Variants in ZC4H2 observed in about 807,000 individuals in gnomAD.
ZC4H2 encodes the protein zinc finger C4H2-type containing.
For synonymous variants in ZC4H2, 84 were observed against 66.3 expected, an observed-to-expected ratio of 1.27 and a Z score of -1.30; for missense variants, 137 against 173.9, an observed-to-expected ratio of 0.79 and a Z score of 1.19.
intron 1 of ZC4H2, among the ~76,000 whole-genome samples, chrX:64,943,087 G>C (rs1225706651): frequency 2.7e-5 from 3 of 111,868 alleles, no homozygotes; most frequent in Non-Finnish European, 5.6e-5. Context: ...CAGTGATGAT[G>C]AGCTTTTTTT....
chrX:64,951,833 T>A (rs1930855465), intron 1 of ZC4H2, among the ~76,000 whole-genome samples: 1 of 111,690 alleles, frequency 9.0e-6, no homozygotes, highest in African/African-American at 3.3e-5. Context: ...TTTTGGCTTT[T>A]GTTGCCATTG....
At chrX:65,033,296 C>A (rs866003672) in intron 1 of ZC4H2, among the ~76,000 whole-genome samples, 1 of 112,288 alleles carries the variant, frequency 8.9e-6, no homozygotes, top group Non-Finnish European at 1.9e-5. Context: ...GAATATCACA[C>A]AAGTTTGTAC....
rs773485412 is a variant in ZC4H2 at position 64,924,381 on chromosome X, C to T, written c.54-2393G>A. ...TCAGTCAATAATTATTTATTGAATA[C>T]TTATCATGTGCCAGGCATTCATTGT... is the stretch of plus-strand genomic sequence containing the variant. On this transcript the variant is annotated intron_variant, in intron 1 of 4. Coordinates refer to ENST00000374839, the MANE Select transcript of ZC4H2 (RefSeq NM_018684.4). 1.4e-3 allele frequency among the ~76,000 whole-genome samples: 157 copies of T among 112,001 alleles called. 1 individual carries two copies. Among genetic ancestry groups the T allele is most frequent in the African/African-American group, 4.9e-3 (151 of 30,875 alleles).
chrX:64,953,531 C>G (rs1224467217), intron 1 of ZC4H2, among the ~76,000 whole-genome samples: 1 of 112,247 alleles, frequency 8.9e-6, no homozygotes, highest in East Asian at 2.8e-4. Flanking sequence ...AGACACTTCT[C>G]AAAAGAAGAC....
At chrX:64,975,369 T>G (rs776876859) in intron 1 of ZC4H2, among the ~76,000 whole-genome samples, 25 of 110,883 alleles carry the variant, frequency 2.3e-4, no homozygotes, top group Non-Finnish European at 3.2e-4. Flanking sequence ...TCCAGCACTC[T>G]AAGGGTTAAA....
intron 1 of ZC4H2, among the ~76,000 whole-genome samples, chrX:64,988,963 TATTAA>T (rs1283750013): frequency 9.8e-5 from 11 of 112,217 alleles, no homozygotes; most frequent in Non-Finnish European, 1.1e-4. Flanking sequence ...CAGCACCATT[TATTAA>T]ATAAGGAATC....
At chrX:64,927,935 A>C (rs1217950046) in intron 1 of ZC4H2, among the ~76,000 whole-genome samples, 1 of 112,435 alleles carries the variant, frequency 8.9e-6, no homozygotes, top group African/African-American at 3.2e-5. Context: ...TCTTTTGAGA[A>C]GTGTCTGTTC....
chrX:65,018,413 G>A (rs1054082447), intron 1 of ZC4H2, among the ~76,000 whole-genome samples: 2 of 112,118 alleles, frequency 1.8e-5, no homozygotes, highest in Non-Finnish European at 3.8e-5. Context: ...TGCCTCACCT[G>A]GGAAGCACAA....
intron 1 of ZC4H2, among the ~76,000 whole-genome samples, chrX:64,991,275 T>G (rs757145937): frequency 8.9e-6 from 1 of 112,194 alleles, no homozygotes; most frequent in African/African-American, 3.2e-5. Flanking sequence ...TATAAGAGTT[T>G]ATTTAGGCAT....
At chrX:65,015,703 C>T (rs962607060) in intron 1 of ZC4H2, among the ~76,000 whole-genome samples, 5 of 112,163 alleles carry the variant, frequency 4.5e-5, no homozygotes, top group African/African-American at 1.6e-4. Flanking sequence ...CATTTTAATA[C>T]AGTATACATA....
chrX:64,940,606 T>C (rs767646008), intron 1 of ZC4H2, among the ~76,000 whole-genome samples: 1 of 111,836 alleles, frequency 8.9e-6, no homozygotes, highest in Admixed American at 9.5e-5. Context: ...AGTTTCAGTT[T>C]TCTGCATATG....
At chrX:64,930,038 A>T (rs1203007503) in intron 1 of ZC4H2, among the ~76,000 whole-genome samples, 1 of 111,227 alleles carries the variant, frequency 9.0e-6, no homozygotes, top group Admixed American at 9.6e-5. Context: ...GTCATCTATG[A>T]TCTTTTTTAG....
chrX:64,984,785 G>A (rs1932147721), intron 1 of ZC4H2, among the ~76,000 whole-genome samples: 1 of 112,055 alleles, frequency 8.9e-6, no homozygotes, highest in Non-Finnish European at 1.9e-5. Context: ...TTTGGGAAGG[G>A]GCTGTTAGCA....
At position 64,996,574 on chromosome X, in the gene ZC4H2, G is replaced by A. The variant is rs750263055; in HGVS notation, c.-272+38055C>T. ...CTAAAAGAACTAAAGGAAACCATGA[G>A]CAATGAACTAAAGGAAATCAGTAAA... On this transcript the variant is annotated intron_variant, in intron 1 of 4. Coordinates refer to the ZC4H2 transcript ENST00000337990. 9.3e-4 allele frequency among the ~76,000 whole-genome samples: 104 copies of A among 111,734 alleles called. 1 individual carries two copies. The highest frequency in any genetic ancestry group is 3.3e-3 in the African/African-American group (102 of 30,808).
At chrX:65,009,523 T>C (rs1932724896) in intron 1 of ZC4H2, among the ~76,000 whole-genome samples, 2 of 112,237 alleles carry the variant, frequency 1.8e-5, no homozygotes, top group African/African-American at 6.5e-5. Flanking sequence ...AGGATATTTG[T>C]ATAGCAAACA....
intron 1 of ZC4H2, among the ~76,000 whole-genome samples, chrX:64,984,609 C>T (rs1235344183): frequency 1.8e-5 from 2 of 111,335 alleles, no homozygotes; most frequent in African/African-American, 6.5e-5. Context: ...ACCTCAGACA[C>T]CAATCTTAGG....
chrX:64,918,749 T>C (rs866269898), intron 4 of ZC4H2: 11 of 221,594 alleles, frequency 5.0e-5, no homozygotes, highest in African/African-American at 2.9e-4. Flanking sequence ...TCATTTATGA[T>C]ACATGCTCAT....
chrX:65,003,546 A>C (rs1452404523), intron 1 of ZC4H2, among the ~76,000 whole-genome samples: 3 of 111,677 alleles, frequency 2.7e-5, no homozygotes, highest in Non-Finnish European at 5.6e-5. Flanking sequence ...GAGACTAATA[A>C]AGAAGAAAAA....
At chrX:64,985,872 C>G (rs1338049997) in intron 1 of ZC4H2, among the ~76,000 whole-genome samples, 10 of 111,640 alleles carry the variant, frequency 9.0e-5, no homozygotes, top group African/African-American at 3.3e-4. Context: ...CCTCTTGACC[C>G]TCTTACTTCC....
Sources: gnomAD v4.1 joint callset for allele counts (sites outside exome capture counted in the v4.1 genomes callset) on GRCh38, gnomAD v4.1.1 for gene constraint, MANE v1.5 for transcripts, NCBI Gene and HGNC (gene_info 2026-07-23, HGNC 2026-07-21) for gene names.